ZNF385D: variants seen among roughly 807,000 people sequenced by gnomAD.
ZNF385D encodes the protein zinc finger protein 385D, also known as zinc finger protein 659.
ZNF385D carries 15 observed loss-of-function variants against 35.8 expected under a neutral mutation model. That is an observed-to-expected ratio of 0.42 (90% confidence interval 0.28 to 0.64). The LOEUF (loss-of-function observed/expected upper bound fraction) is 0.64, where lower values mean the gene tolerates loss of function less well. Among genes scored for constraint, ZNF385D ranks in the 30% least tolerant of loss-of-function variants. The pLI, the probability that ZNF385D is intolerant of heterozygous loss-of-function variation, is 0.23. For synonymous variants in ZNF385D, 212 were observed against 186.8 expected (o/e 1.13, Z -1.10); for missense variants, 474 against 494.6 (o/e 0.96, Z 0.39).
At chr3:21,633,209 T>A (rs967062798) in intron 2 of ZNF385D, among the ~76,000 whole-genome samples, 1 of 152,088 alleles carries the variant, frequency 6.6e-6, no homozygotes, top group African/African-American at 2.4e-5. Context: ...ACTAAATTGT[T>A]AGAAGTGGAG....
rs1266914512 is a variant in ZNF385D at position 21,416,545 on chromosome 3, A to G, written c.*4669T>C. 6.6e-6 allele frequency: 1 copy of G among 152,030 alleles called. No homozygotes were observed. The highest frequency in any genetic ancestry group is 1.5e-5 in the Non-Finnish European group (1 of 67,984). 9.4% of individuals were successfully genotyped at this position (152,030 alleles called of 1,614,324 possible). On this transcript the variant is annotated 3_prime_UTR_variant, in exon 8 of 8. Coordinates refer to ENST00000281523, the MANE Select transcript of ZNF385D (RefSeq NM_024697.3). ...GGAGACCTACCATTAGAAATGATCC[A>G]TTTCACTTCCTGATAGTAGCCTCTC...
intron 2 of ZNF385D, among the ~76,000 whole-genome samples, chr3:21,634,197 A>G (rs1009666357): frequency 6.6e-6 from 1 of 151,706 alleles, no homozygotes; most frequent in Non-Finnish European, 1.5e-5. Flanking sequence ...AACCTGTCTC[A>G]AAAAAATAGA....
chr3:22,333,835 T>C (rs562273820), intron 2 of ZNF385D, among the ~76,000 whole-genome samples: 2 of 152,320 alleles, frequency 1.3e-5, no homozygotes, highest in Non-Finnish European at 2.9e-5. Flanking sequence ...AGCTGGTGGA[T>C]ACCAGAGAGA....
At chr3:21,556,539 G>A (rs558181246) in intron 3 of ZNF385D, among the ~76,000 whole-genome samples, 27 of 79,432 alleles carry the variant, frequency 3.4e-4, no homozygotes, top group African/African-American at 2.0e-3. Flanking sequence ...TTGTAGATGT[G>A]TGATATTATT....
intron 3 of ZNF385D, among the ~76,000 whole-genome samples, chr3:22,123,940 CTCTCTCTCTCTCTCTCTCTCTCTATATA>C (rs1559386467): frequency 1.0e-5 from 1 of 97,224 alleles, no homozygotes; most frequent in Non-Finnish European, 2.1e-5. Flanking sequence ...CTCTCTCTCT[CTCTCTCTCTCTCTCTCTCTCTCTATATA>C]TATATATATA....
At chr3:22,037,444 G>T (rs1253689158) in intron 3 of ZNF385D, among the ~76,000 whole-genome samples, 2 of 151,986 alleles carry the variant, frequency 1.3e-5, no homozygotes, top group African/African-American at 4.8e-5. Context: ...GTTTTGATTT[G>T]CATTTCTCTG....
At chr3:22,349,794 T>G (rs1695832934) in intron 2 of ZNF385D, among the ~76,000 whole-genome samples, 1 of 152,060 alleles carries the variant, frequency 6.6e-6, no homozygotes, top group Non-Finnish European at 1.5e-5. Flanking sequence ...GAAAGAAAAT[T>G]CAAAAGTACA....
At chr3:21,960,787 C>G (rs192841089) in intron 3 of ZNF385D, among the ~76,000 whole-genome samples, 1 of 152,100 alleles carries the variant, frequency 6.6e-6, no homozygotes, top group East Asian at 1.9e-4. Flanking sequence ...TCATTCACAG[C>G]ATCCTGAAGG....
chr3:21,592,548 A>AC (rs2064009226), intron 2 of ZNF385D, among the ~76,000 whole-genome samples: 1 of 109,200 alleles, frequency 9.2e-6, no homozygotes. Flanking sequence ...CATGGCAAAA[A>AC]AAAAAAACCA....
At chr3:21,876,819 GCTA>G (rs896472419) in intron 3 of ZNF385D, among the ~76,000 whole-genome samples, 2 of 151,952 alleles carry the variant, frequency 1.3e-5, no homozygotes, top group Non-Finnish European at 2.9e-5. Flanking sequence ...CCTGCTGCAA[GCTA>G]CTAAGCATTA....
At chr3:22,141,153 T>TA (rs1162618319) in intron 3 of ZNF385D, among the ~76,000 whole-genome samples, 1 of 152,168 alleles carries the variant, frequency 6.6e-6, no homozygotes, top group Non-Finnish European at 1.5e-5. Context: ...ATACTGTTCC[T>TA]AAAATAATAA....
intron 2 of ZNF385D, among the ~76,000 whole-genome samples, chr3:22,241,568 G>C (rs779730283): frequency 2.0e-5 from 3 of 151,084 alleles, no homozygotes; most frequent in Non-Finnish European, 4.4e-5. Context: ...TCAGGCTTTG[G>C]ATTTATTATT....
Position 21,682,870 on chromosome 3 carries a change from T to A in ZNF385D, c.23-17842A>T, listed in dbSNP as rs141682154. 1.7e-4 allele frequency among the ~76,000 whole-genome samples: 25 copies of A among 150,012 alleles called. 1 individual carries two copies. The highest frequency in any genetic ancestry group is 6.1e-4 in the African/African-American group (25 of 40,712). ...GTATGTAAACAAATGGGCATACCTATGTACCAGTAAGATTTTACTTTCTAA... is the reference window on the plus strand; with the variant it reads ...GTATGTAAACAAATGGGCATACCTAAGTACCAGTAAGATTTTACTTTCTAA... On this transcript the variant is annotated intron_variant, in intron 1 of 7. Coordinates refer to ENST00000281523, the MANE Select transcript of ZNF385D (RefSeq NM_024697.3).
chr3:22,174,467 A>G (rs984951929), intron 2 of ZNF385D, among the ~76,000 whole-genome samples: 1 of 152,176 alleles, frequency 6.6e-6, no homozygotes, highest in East Asian at 1.9e-4. Flanking sequence ...TGACTTACAA[A>G]GTCATACGAC....
chr3:21,996,669 C>T (rs1695486646), intron 3 of ZNF385D, among the ~76,000 whole-genome samples: 2 of 152,166 alleles, frequency 1.3e-5, no homozygotes, highest in African/African-American at 2.4e-5. Context: ...AACTTACATA[C>T]ATTTTTTTAA....
At chr3:21,991,485 T>G (rs1306136104) in intron 3 of ZNF385D, among the ~76,000 whole-genome samples, 1 of 152,206 alleles carries the variant, frequency 6.6e-6, no homozygotes, top group Non-Finnish European at 1.5e-5. Flanking sequence ...GTGGTAATTA[T>G]GCAGCTAAAA....
intron 3 of ZNF385D, among the ~76,000 whole-genome samples, chr3:22,109,889 G>C (rs1702420104): frequency 6.6e-6 from 1 of 152,094 alleles, no homozygotes; most frequent in Non-Finnish European, 1.5e-5. Flanking sequence ...ATCTGACAAA[G>C]GGCTACTCAT....
chr3:22,265,445 T>C (rs1700850276), intron 2 of ZNF385D, among the ~76,000 whole-genome samples: 1 of 151,998 alleles, frequency 6.6e-6, no homozygotes. Context: ...ATAATAAACA[T>C]TTACAGAGCA....
At chr3:21,442,886 A>AGTGTGTGTGTGTGTGTGTGTGTGT (rs4045435) in intron 4 of ZNF385D, among the ~76,000 whole-genome samples, 2 of 147,168 alleles carry the variant, frequency 1.4e-5, no homozygotes, top group Admixed American at 1.4e-4. Flanking sequence ...TCTGTGTATA[A>AGTGTGTGTGTGTGTGTGTGTGTGT]GTGTGTGTGT....
Sources: allele counts gnomAD v4.1 joint callset (sites outside exome capture counted in the v4.1 genomes callset), GRCh38; gene constraint gnomAD v4.1.1; transcripts MANE v1.5; gene names NCBI Gene and HGNC (gene_info 2026-07-23, HGNC 2026-07-21).